Variants in GREB1 observed in about 807,000 individuals in gnomAD.
GREB1 encodes the protein protein GREB1.
A neutral mutation model predicts 200.7 loss-of-function variants in GREB1; 106 were observed. The ratio of observed to expected loss-of-function variants is 0.53; its 90% confidence interval spans 0.45 to 0.62. The LOEUF is 0.62. GREB1 is among the 20% of genes least tolerant of loss of function. The pLI is 0.00. For missense variants in GREB1, 2,243 were observed against 2,556.8 expected, an observed-to-expected ratio of 0.88 and a Z score of 2.65; for synonymous variants, 1,132 against 1,092.4, an observed-to-expected ratio of 1.04 and a Z score of -0.72.
At chr2:11,543,342 T>C (rs1193218110) in intron 1 of GREB1, among the ~76,000 whole-genome samples, 1 of 152,202 alleles carries the variant, frequency 6.6e-6, no homozygotes, top group African/African-American at 2.4e-5. Flanking sequence ...CATCTAGAAA[T>C]TAGAATTATG....
chr2:11,583,380 C>T (rs1198939752), intron 7 of GREB1, among the ~76,000 whole-genome samples: 1 of 152,212 alleles, frequency 6.6e-6, no homozygotes, highest in African/African-American at 2.4e-5. Flanking sequence ...AGGAAAGCAG[C>T]AGCTGCGTCA....
intron 3 of GREB1, 132 bp from the exon 4 acceptor site, chr2:11,566,348 A>T: frequency 1.3e-6 from 1 of 766,208 alleles, no homozygotes; most frequent in Non-Finnish European, 2.0e-6. Context: ...TCTCAGGATT[A>T]ATTTTGAGGT....
At chr2:11,541,464 G>A (rs571394462) in intron 1 of GREB1, among the ~76,000 whole-genome samples, 15 of 151,916 alleles carry the variant, frequency 9.9e-5, no homozygotes, top group East Asian at 7.7e-4. Flanking sequence ...CATGGGGATC[G>A]GAACACTTGG....
chr2:11,542,228 A>AT (rs536194731), intron 1 of GREB1, among the ~76,000 whole-genome samples: 151 of 152,196 alleles, frequency 9.9e-4, no homozygotes, highest in African/African-American at 3.3e-3. Context: ...TGGAAGAGGA[A>AT]AGTTCTTTGC....
chr2:11,598,568 C>G, intron 14 of GREB1, 112 bp from the exon 15 acceptor site: 2 of 910,200 alleles, frequency 2.2e-6, no homozygotes, highest in Non-Finnish European at 3.5e-6. Context: ...TCTTGCATCT[C>G]TGAGTCTAGC....
intron 1 of GREB1, among the ~76,000 whole-genome samples, chr2:11,483,809 G>A (rs1006593703): frequency 4.6e-5 from 2 of 43,214 alleles, no homozygotes; most frequent in Non-Finnish European, 9.1e-5. Flanking sequence ...GGGCCATTTT[G>A]CTGTCAACTC....
In GREB1 at chr2:11,600,140, G is replaced by T. The variant is rs1413642341; in HGVS notation, c.2334-660G>T. Among the ~76,000 whole-genome samples the T allele has an allele frequency of 1.3e-5, 2 of 152,214 alleles. 1 individual carries two copies. The highest frequency in any genetic ancestry group is 4.1e-4 in the South Asian group (2 of 4,824). On this transcript the variant is annotated intron_variant, in intron 15 of 32. Coordinates refer to ENST00000381486, the MANE Select transcript of GREB1 (RefSeq NM_014668.4). ...CCAGAATCCATGTGTGGGCTTGGGG[G>T]AAATCGGAACATTCCGAAATTATAG...
In GREB1 at chr2:11,640,343, C is replaced by T. The variant is rs200195682; in HGVS notation, c.5739C>T (p.Val1913=). Reference sequence around the variant, plus strand: ...ACCGGAGCTCACTGCGCCAGACGGTCGTCCGCCTGGAGCTCGAGGACGAGT... The same window carrying T: ...ACCGGAGCTCACTGCGCCAGACGGTTGTCCGCCTGGAGCTCGAGGACGAGT... ...CQDRSSLRQT[V]VRLELEDEWQ... Residue 1913 remains valine (V), a synonymous_variant, in exon 33 of 33, where the codon GTC becomes GTT. Coordinates refer to ENST00000381486, the MANE Select transcript of GREB1 (RefSeq NM_014668.4). This position sits in a 1 kb window ranked among gnomAD's most constrained non-coding sequence, Gnocchi z 4.6. 8.8e-5 allele frequency: 142 copies of T among 1,614,038 alleles called. 1 individual carries two copies. Among genetic ancestry groups the T allele is most frequent in the Non-Finnish European group, 6.8e-5 (80 of 1,180,048 alleles).
chr2:11,535,883 GTTCA>G (rs1674269869), intron 1 of GREB1, among the ~76,000 whole-genome samples: 1 of 152,064 alleles, frequency 6.6e-6, no homozygotes, highest in African/African-American at 2.4e-5. Context: ...TGTCGGAATT[GTTCA>G]TCTTCTTTCT....
intron 1 of GREB1, among the ~76,000 whole-genome samples, chr2:11,535,681 C>T (rs1412671941): frequency 6.6e-6 from 1 of 152,070 alleles, no homozygotes; most frequent in Non-Finnish European, 1.5e-5. Flanking sequence ...GTCTAGGATT[C>T]GGTGATTCAA....
intron 21 of GREB1, among the ~76,000 whole-genome samples, 199 bp downstream of exon 21, chr2:11,616,919 G>A (rs893231924): frequency 6.6e-6 from 1 of 152,256 alleles, no homozygotes; most frequent in African/African-American, 2.4e-5. Context: ...CTTGAAGACT[G>A]AGCAAGACTG....
chr2:11,512,430 A>G (rs539860655), intron 1 of GREB1, among the ~76,000 whole-genome samples: 5 of 152,364 alleles, frequency 3.3e-5, no homozygotes, highest in African/African-American at 7.2e-5. Context: ...ACTATGTGCT[A>G]TGCCCTGTGT....
At position 11,615,169 on chromosome 2, in the gene GREB1, G is replaced by A. The variant is rs369661344; in HGVS notation, c.3201G>A (p.Leu1067=). The A allele has an allele frequency of 1.2e-5, 20 of 1,614,044 alleles. No individual in the cohort carries two copies. Among genetic ancestry groups the A allele is most frequent in the South Asian group, 4.4e-5 (4 of 91,082 alleles). Residue 1067 remains leucine (L), a synonymous_variant, in exon 20 of 33, where the codon CTG becomes CTA. Coordinates refer to ENST00000381486, the MANE Select transcript of GREB1 (RefSeq NM_014668.4). ...VRTALEQELG[L]AAYFVSNEVP... is the part of the protein sequence containing the mutation. ...CAGCCTTGGAGCAGGAGCTGGGCCT[G>A]GCTGCCTACTTTGTGAGCAACGAGG...
rs10639159 is a variant in GREB1, at chr2:11,641,467, GGTTTTGTTTTGTTTTGTTTT to G, written c.*1029_*1048del. 6.8e-6 allele frequency: 1 copy of G among 147,852 alleles called. No homozygotes were observed. The highest frequency in any genetic ancestry group is 1.5e-5 in the Non-Finnish European group (1 of 67,304). 9.2% of individuals were successfully genotyped at this position (147,852 alleles called of 1,614,324 possible). On this transcript the variant is annotated 3_prime_UTR_variant, in exon 33 of 33. Coordinates refer to ENST00000381486, the MANE Select transcript of GREB1 (RefSeq NM_014668.4). ...TCACCCCTTCACAGACTGACAGAAT[GGTTTTGTTTTGTTTTGTTTT>G]GTTTTGTTTTGTTTTTGAGATGGAC...
At chr2:11,552,737 C>A (rs117548608) in intron 1 of GREB1, among the ~76,000 whole-genome samples, 1,779 of 152,210 alleles carry the variant, frequency 0.012, 28 homozygotes, top group African/African-American at 0.04. Flanking sequence ...GTTGGCCGGG[C>A]GCGGTGGCTC....
chr2:11,566,397 C>A, intron 3 of GREB1, 83 bp from the exon 4 acceptor site: 1 of 1,378,836 alleles, frequency 7.3e-7, no homozygotes, highest in South Asian at 1.4e-5. Context: ...CTGAGCAGAC[C>A]CAGAACGTTT....
At chr2:11,562,330 G>T in intron 2 of GREB1, 133 bp from the exon 3 acceptor site, 2 of 1,123,416 alleles carry the variant, frequency 1.8e-6, no homozygotes, top group East Asian at 5.4e-5. Context: ...AGGATGGGTG[G>T]AACCCATTCT....
rs1572245999 is a variant in GREB1 at position 11,640,418 on chromosome 2, C to T, written c.5814C>T (p.Asp1938=). 2 of 1,614,210 alleles carry T rather than the reference C, an allele frequency of 1.2e-6. No homozygotes were observed. Among genetic ancestry groups the T allele is most frequent in the African/African-American group, 2.7e-5 (2 of 75,056 alleles). The change falls in exon 33 of 33, where the codon GAC becomes GAT. Residue 1938 remains aspartate, a synonymous_variant. Coordinates refer to ENST00000381486, the MANE Select transcript of GREB1 (RefSeq NM_014668.4). The surrounding 1 kb of genome is among the most constrained non-coding windows in gnomAD (Gnocchi z 4.6). The part of the protein sequence containing the change: ...DEFQTANARE[D]RPLFFLTGRH... ...TCCAGACCGCCAATGCCAGGGAAGA[C>T]CGGCCGCTCTTTTTTCTGACGGGAC...
At chr2:11,566,002 G>C (rs1182832425) in intron 3 of GREB1, among the ~76,000 whole-genome samples, 1 of 149,184 alleles carries the variant, frequency 6.7e-6, no homozygotes, top group Non-Finnish European at 1.5e-5. Flanking sequence ...TGTGATCTGT[G>C]TCGTGGATAA....
Sources: gnomAD v4.1 joint callset for allele counts (sites outside exome capture counted in the v4.1 genomes callset) on GRCh38, gnomAD v4.1.1 for gene constraint, Gnocchi (gnomAD v3.1) non-coding constraint, MANE v1.5 for transcripts, NCBI Gene and HGNC (gene_info 2026-07-23, HGNC 2026-07-21) for gene names.